CTTNBP2: variants seen among roughly 807,000 people sequenced by gnomAD.
CTTNBP2 encodes the protein cortactin binding protein 2, also known as cortactin-binding protein 2.
A neutral mutation model predicts 156.9 loss-of-function variants in CTTNBP2; 108 were observed. That is an observed-to-expected ratio of 0.69 (90% confidence interval 0.59 to 0.81). The LOEUF is 0.81. Among genes scored for constraint, CTTNBP2 ranks in the 30% least tolerant of loss-of-function variants. The pLI is 0.00. For missense variants in CTTNBP2, 1,924 were observed against 2,035.4 expected, an observed-to-expected ratio of 0.95 and a Z score of 1.05; for synonymous variants, 767 against 751.8, an observed-to-expected ratio of 1.02 and a Z score of -0.33.
intron 8 of CTTNBP2, among the ~76,000 whole-genome samples, chr7:117,773,677 A>ACG (rs1797919864): frequency 6.7e-6 from 1 of 150,164 alleles, no homozygotes; most frequent in Non-Finnish European, 1.5e-5. Context: ...ACACACACAC[A>ACG]CACACACACA....
chr7:117,734,686 G>T (rs1182300754), intron 16 of CTTNBP2, among the ~76,000 whole-genome samples: 1 of 152,228 alleles, frequency 6.6e-6, no homozygotes, highest in Non-Finnish European at 1.5e-5. Context: ...GAGATTCCTT[G>T]AGAACAGCTG....
chr7:117,746,151 G>T, intron 12 of CTTNBP2, 52 bp from the exon 13 acceptor site: 1 of 1,229,100 alleles, frequency 8.1e-7, no homozygotes, highest in South Asian at 1.2e-5. Flanking sequence ...ATTGATGAGA[G>T]AAAAAAGTGG....
chr7:117,821,803 G>T (rs1272208451), intron 2 of CTTNBP2, among the ~76,000 whole-genome samples: 2 of 151,970 alleles, frequency 1.3e-5, no homozygotes, highest in Admixed American at 1.3e-4. Context: ...TGTTAGCCAG[G>T]ATGGTCTCGA....
chr7:117,840,340 A>G (rs939517564), intron 2 of CTTNBP2, among the ~76,000 whole-genome samples: 8 of 152,084 alleles, frequency 5.3e-5, no homozygotes, highest in African/African-American at 1.9e-4. Flanking sequence ...AGTTGGGGTC[A>G]GGCAAATAAT....
chr7:117,784,118 A>G, intron 5 of CTTNBP2, 133 bp downstream of exon 5: 1 of 607,734 alleles, frequency 1.6e-6, no homozygotes. Flanking sequence ...CTCATGTTTA[A>G]AAAAACTATC....
chr7:117,865,116 T>C (rs968300207), intron 1 of CTTNBP2, among the ~76,000 whole-genome samples: 1 of 151,620 alleles, frequency 6.6e-6, no homozygotes, highest in Non-Finnish European at 1.5e-5. Flanking sequence ...TTATAAAAGA[T>C]TGCCTTGATA....
In CTTNBP2 at chr7:117,801,149, TA is replaced by T. The variant is rs1158903428; in HGVS notation, c.415-8369del. Among the ~76,000 whole-genome samples the T allele has an allele frequency of 3.3e-5, 5 of 152,026 alleles. No individual in the cohort carries two copies. In the East Asian group the frequency reaches 9.6e-4, roughly 29 times the overall value. Reference sequence around the variant, plus strand: ...CTTTTCCTTACAGTAGAATGCCACATAAAAAATGCAGAAGGAATAATGGGGT... The same window carrying T: ...CTTTTCCTTACAGTAGAATGCCACATAAAAATGCAGAAGGAATAATGGGGT... On this transcript the variant is annotated intron_variant, in intron 3 of 22. Transcript: ENST00000160373.
rs963566109 is a variant in CTTNBP2, at chr7:117,791,447, A to G, written c.1749T>C (p.Thr583=). The G allele has an allele frequency of 6.2e-7, 1 of 1,614,194 alleles. No individual in the cohort carries two copies. Among genetic ancestry groups the G allele is most frequent in the Non-Finnish European group, 8.5e-7 (1 of 1,180,022 alleles). ...GCAAACTGGAAGGAGTCGAAGCCACAGTTTTGTTATCAACTTTGGCCCCTG... is the reference window on the plus strand; with the variant it reads ...GCAAACTGGAAGGAGTCGAAGCCACGGTTTTGTTATCAACTTTGGCCCCTG... ...SNTGAKVDNK[T]VASTPSSLPQ... is the part of the protein sequence containing the mutation. Residue 583 remains threonine, a synonymous_variant, in exon 4 of 23, where the codon ACT becomes ACC. Transcript: ENST00000160373.
At chr7:117,818,119 G>C (rs1800729394) in intron 2 of CTTNBP2, among the ~76,000 whole-genome samples, 1 of 152,144 alleles carries the variant, frequency 6.6e-6, no homozygotes, top group Non-Finnish European at 1.5e-5. Flanking sequence ...TTTTCTATAT[G>C]CTGTATTTGT....
Position 117,711,116 on chromosome 7 carries a change from A to T in CTTNBP2, c.*421T>A, listed in dbSNP as rs1409833348. On this transcript the variant is annotated 3_prime_UTR_variant, in exon 23 of 23. Coordinates refer to ENST00000160373, the MANE Select transcript of CTTNBP2 (RefSeq NM_033427.3). ...TATGATCTCCATTTAAAACGGTACA[A>T]GTTATCTAAGCCAACTTTGTACTTT... is the stretch of plus-strand genomic sequence containing the variant. 1.3e-5 allele frequency: 2 copies of T among 153,948 alleles called. No homozygotes were observed. The highest frequency in any genetic ancestry group is 2.9e-5 in the Non-Finnish European group (2 of 68,978). The allele number at this position is 153,948 out of a possible 1,614,324, so 9.5% of individuals were successfully genotyped here. A position where few individuals can be genotyped will look rare whatever the true frequency, so the allele number is the denominator to read the frequency against.
chr7:117,809,155 G>A (rs1419310603), intron 3 of CTTNBP2, among the ~76,000 whole-genome samples: 1 of 149,572 alleles, frequency 6.7e-6, no homozygotes, highest in Non-Finnish European at 1.5e-5. Flanking sequence ...AAATGACCCA[G>A]TCATTCAGAA....
At chr7:117,865,188 A>C (rs988514403) in intron 1 of CTTNBP2, among the ~76,000 whole-genome samples, 1 of 151,872 alleles carries the variant, frequency 6.6e-6, no homozygotes, top group Non-Finnish European at 1.5e-5. Flanking sequence ...CACACAAAAA[A>C]ATTAAGGTCT....
chr7:117,838,014 G>C (rs1003755571), intron 2 of CTTNBP2, among the ~76,000 whole-genome samples: 1 of 152,182 alleles, frequency 6.6e-6, no homozygotes, highest in Non-Finnish European at 1.5e-5. Flanking sequence ...AGATCTGAGA[G>C]TTAATCACTC....
intron 2 of CTTNBP2, among the ~76,000 whole-genome samples, chr7:117,853,375 A>T (rs1803054171): frequency 6.6e-6 from 1 of 152,348 alleles, no homozygotes; most frequent in Non-Finnish European, 1.5e-5. Flanking sequence ...GCCACAAAAA[A>T]TTTAAAAATT....
chr7:117,798,541 A>G (rs1432184387), intron 3 of CTTNBP2, among the ~76,000 whole-genome samples: 1 of 152,170 alleles, frequency 6.6e-6, no homozygotes, highest in Non-Finnish European at 1.5e-5. Flanking sequence ...CTGAATGAAT[A>G]CAAGAACACA....
intron 2 of CTTNBP2, among the ~76,000 whole-genome samples, chr7:117,816,295 T>C (rs1800571960): frequency 2.0e-5 from 3 of 152,212 alleles, no homozygotes; most frequent in African/African-American, 7.2e-5. Flanking sequence ...CAGTTGGTTT[T>C]CTATGGTTCA....
At chr7:117,752,335 C>T (rs1460806814) in intron 12 of CTTNBP2, among the ~76,000 whole-genome samples, 1 of 152,102 alleles carries the variant, frequency 6.6e-6, no homozygotes, top group Non-Finnish European at 1.5e-5. Flanking sequence ...CATAATTACT[C>T]ATAGTCACTG....
chr7:117,815,205 C>T (rs1278379832), intron 2 of CTTNBP2, among the ~76,000 whole-genome samples: 3 of 152,046 alleles, frequency 2.0e-5, no homozygotes, highest in Admixed American at 1.3e-4. Context: ...ATGTGCTTTT[C>T]GGTCTACAGT....
intron 1 of CTTNBP2, chr7:117,871,969 T>C: frequency 2.0e-6 from 2 of 985,414 alleles, no homozygotes; most frequent in African/African-American, 1.7e-5. Flanking sequence ...TCTCAATAGC[T>C]AGTTTCCTTA....
Sources: gnomAD v4.1 joint callset for allele counts (sites outside exome capture counted in the v4.1 genomes callset) on GRCh38, gnomAD v4.1.1 for gene constraint, MANE v1.5 for transcripts, NCBI Gene and HGNC (gene_info 2026-07-23, HGNC 2026-07-21) for gene names.